Variants in C12orf76 observed in about 807,000 individuals in gnomAD.
The protein encoded by C12orf76 is uncharacterized protein C12orf76.
C12orf76 carries 6 observed loss-of-function variants against 6.8 expected under a neutral mutation model. That is an observed-to-expected ratio of 0.88 (90% CI 0.48 to 1.73). The LOEUF is 1.73. Ranked by LOEUF, C12orf76 falls within the 40% of genes most tolerant of loss-of-function variation. The pLI, the probability that C12orf76 is intolerant of heterozygous loss-of-function variation, is 0.01. For synonymous variants in C12orf76, 56 were observed against 43.7 expected (o/e 1.28, Z -1.11); for missense variants, 99 against 98.2 (o/e 1.01, Z -0.03).
intron 1 of C12orf76, among the ~76,000 whole-genome samples, chr12:110,047,548 T>C (rs980170948): frequency 5.3e-5 from 8 of 151,966 alleles, no homozygotes; most frequent in East Asian, 1.9e-4. Flanking sequence ...GGTGTGGTGG[T>C]GCACGCCTGT....
chr12:110,055,514 A>C (rs1892653253), intron 4 of C12orf76, among the ~76,000 whole-genome samples: 1 of 152,114 alleles, frequency 6.6e-6, no homozygotes, highest in African/African-American at 2.4e-5. Flanking sequence ...GCAGAGACAG[A>C]GGTATTAAAT....
upstream of C12orf76, among the ~76,000 whole-genome samples, chr12:110,070,632 A>T (rs1892950657): frequency 6.6e-6 from 1 of 152,230 alleles, no homozygotes; most frequent in Non-Finnish European, 1.5e-5. Context: ...AGGAAGTCCC[A>T]TCACCTGCTA....
chr12:110,061,500 C>T (rs1487708372), intron 2 of C12orf76, among the ~76,000 whole-genome samples: 2 of 151,952 alleles, frequency 1.3e-5, no homozygotes, highest in Non-Finnish European at 2.9e-5. Context: ...CAGTCTTACC[C>T]TGTCCCCTCC....
upstream of C12orf76, among the ~76,000 whole-genome samples, chr12:110,053,144 A>G (rs1892610918): frequency 6.7e-6 from 1 of 149,418 alleles, no homozygotes; most frequent in African/African-American, 2.5e-5. Flanking sequence ...GTAAGCCAAT[A>G]TCGTGCCACT....
At chr12:110,067,482 C>G (rs767677417) in intron 1 of C12orf76, 159 of 985,260 alleles carry the variant, frequency 1.6e-4, no homozygotes, top group Admixed American at 2.5e-4. Flanking sequence ...TGTATTTTGT[C>G]TGCCTACCCT....
intron 4 of C12orf76, among the ~76,000 whole-genome samples, chr12:110,055,937 G>T: frequency 6.6e-6 from 1 of 152,122 alleles, no homozygotes. Flanking sequence ...GCCTCCAGCT[G>T]CATGACTCCT....
At chr12:110,073,232 C>T (rs1892982071) in intron 1 of C12orf76, among the ~76,000 whole-genome samples, 1 of 152,182 alleles carries the variant, frequency 6.6e-6, no homozygotes, top group Non-Finnish European at 1.5e-5. Flanking sequence ...CATGGCTTCT[C>T]TCTGCTGCAG....
chr12:110,067,021 C>G (rs1248595582), intron 1 of C12orf76, among the ~76,000 whole-genome samples: 2 of 152,240 alleles, frequency 1.3e-5, no homozygotes, highest in Non-Finnish European at 2.9e-5. Flanking sequence ...TCTCCTGTCC[C>G]TCTCTCAACC....
chr12:110,050,975 G>A (rs1036004894), upstream of C12orf76: 4 of 747,280 alleles, frequency 5.4e-6, no homozygotes, highest in Admixed American at 5.5e-5. Flanking sequence ...GTTGGGGTCC[G>A]TTAACACTAC....
chr12:110,073,124 G>A (rs540968825), intron 1 of C12orf76, among the ~76,000 whole-genome samples: 61 of 152,248 alleles, frequency 4.0e-4, no homozygotes, highest in African/African-American at 1.5e-3. Flanking sequence ...TGGGAATCCA[G>A]GATGTTGCCC....
upstream of C12orf76, chr12:110,050,703 C>T: frequency 2.4e-6 from 1 of 420,264 alleles, no homozygotes; most frequent in Non-Finnish European, 4.3e-6. Flanking sequence ...AGCGTATCAT[C>T]AAGAAATAAT....
chr12:110,053,742 C>T (rs1361887899), upstream of C12orf76, among the ~76,000 whole-genome samples: 1 of 152,156 alleles, frequency 6.6e-6, no homozygotes, highest in Non-Finnish European at 1.5e-5. Context: ...CAAGACATAA[C>T]CTAAATGTTC....
rs375333527 is a variant in C12orf76 at position 110,073,492 on chromosome 12, CTTTG to C, written n.139_142del. On this transcript the variant is annotated non_coding_transcript_exon_variant, in exon 1 of 2. Transcript: ENST00000548936. The stretch of plus-strand genomic sequence containing the variant: ...TAATTGATGCTTTGGATCCGGGCGA[CTTTG>C]TTTGTCTCATACAGGAAAACATCAC... 56 of 521,720 alleles carry C rather than the reference CTTTG, an allele frequency of 1.1e-4. 2 individuals carry two copies. Among genetic ancestry groups the C allele is most frequent in the Middle Eastern group, 9.5e-4 (3 of 3,152 alleles). 32.3% of individuals were successfully genotyped at this position (521,720 alleles called of 1,614,324 possible).
chr12:110,048,629 C>G, upstream of C12orf76: 2 of 1,295,688 alleles, frequency 1.5e-6, no homozygotes, highest in Non-Finnish European at 2.0e-6. Context: ...GCGTCCTGGT[C>G]TAAGTTCCGC....
intron 3 of C12orf76, among the ~76,000 whole-genome samples, chr12:110,058,065 CAAAAAAAAAAAAAAA>C (rs59838926): frequency 1.9e-5 from 1 of 52,670 alleles, no homozygotes; most frequent in African/African-American, 6.7e-5. Context: ...GACTCGGTCT[CAAAAAAAAAAAAAAA>C]AAAAAAAAAA....
In C12orf76 at chr12:110,048,382, C is replaced by A. The variant is rs757912874; in HGVS notation, c.114G>T (p.Val38=). 6.6e-7 allele frequency: 1 copy of A among 1,515,684 alleles called. No individual in the cohort carries two copies. Among genetic ancestry groups the A allele is most frequent in the South Asian group, 1.2e-5 (1 of 82,786 alleles). The allele number at this position is 1,515,684 out of a possible 1,614,324, so 93.9% of individuals were successfully genotyped here. Residue 38 remains valine, a synonymous_variant, in exon 1 of 2, where the codon GTG becomes GTT. Transcript: ENST00000615315. ...DPLERSRPYA[V]LRGQNLVLMG... is the part of the protein sequence containing the mutation. Reference sequence around the variant, plus strand: ...GCTCACCCAGGTTCTGCCCTCGCAGCACCGCGTACGGCCGGCTCCGCTCCA... The same window carrying A: ...GCTCACCCAGGTTCTGCCCTCGCAGAACCGCGTACGGCCGGCTCCGCTCCA...
exon 1 of C12orf76, chr12:110,067,577 A>T: frequency 1.0e-6 from 1 of 985,464 alleles, no homozygotes; most frequent in African/African-American, 1.7e-5. Flanking sequence ...TAGGGCTCAC[A>T]CTGCTCCGTC....
intron 1 of C12orf76, among the ~76,000 whole-genome samples, chr12:110,047,550 C>G (rs1892482006): frequency 6.6e-6 from 1 of 151,758 alleles, no homozygotes; most frequent in Non-Finnish European, 1.5e-5. Flanking sequence ...TGTGGTGGTG[C>G]ACGCCTGTAG....
At chr12:110,057,427 G>T in intron 3 of C12orf76, 1 of 658,208 alleles carries the variant, frequency 1.5e-6, no homozygotes, top group Non-Finnish European at 2.8e-6. Flanking sequence ...AGTGGCGCCG[G>T]GCACTGTGCC....
Sources: allele counts gnomAD v4.1 joint callset (sites outside exome capture counted in the v4.1 genomes callset), GRCh38; gene constraint gnomAD v4.1.1; transcripts MANE v1.5; gene names NCBI Gene and HGNC (gene_info 2026-07-23, HGNC 2026-07-21).